AKAP6: variants seen among roughly 807,000 people sequenced by gnomAD.
AKAP6 encodes the protein A-kinase anchoring protein 6, also known as A-kinase anchor protein 6.
In AKAP6, 58 loss-of-function variants were observed where a neutral mutation model predicts 188.5. That is an observed-to-expected ratio of 0.31 (90% confidence interval 0.25 to 0.38). AKAP6 has a LOEUF of 0.38. Among genes scored for constraint, AKAP6 ranks in the 10% least tolerant of loss-of-function variants. The pLI is 1.00. For missense variants in AKAP6, 2,710 were observed against 2,740.0 expected (o/e 0.99, Z 0.24); for synonymous variants, 989 against 998.6 (o/e 0.99, Z 0.18).
rs79100973 is a variant in AKAP6, at chr14:32,594,218, A to G, written c.2470-5192A>G. Among the ~76,000 whole-genome samples the G allele has an allele frequency of 3.8e-3, 583 of 152,294 alleles. 1 individual carries two copies. Among genetic ancestry groups the G allele is most frequent in the Non-Finnish European group, 5.2e-3 (353 of 68,016 alleles). ...ATTTCAGAAAACTAAAGCACCCAGA[A>G]CTTGTTCCATAAGATCAGACCATGG... On this transcript the variant is annotated intron_variant, in intron 5 of 13. Coordinates refer to ENST00000280979, the MANE Select transcript of AKAP6 (RefSeq NM_004274.5).
intron 12 of AKAP6, among the ~76,000 whole-genome samples, chr14:32,801,391 G>A (rs576063966): frequency 3.1e-4 from 47 of 152,028 alleles, no homozygotes; most frequent in African/African-American, 1.0e-3. Context: ...ATACTGCTTC[G>A]CATGTATAGT....
chr14:32,735,954 G>A (rs2031401144), intron 11 of AKAP6, 72 bp downstream of exon 11: 1 of 1,165,104 alleles, frequency 8.6e-7, no homozygotes, highest in Admixed American at 2.3e-5. Context: ...TCAAGTACAT[G>A]AAGTATTATA....
At chr14:32,571,411 T>A (rs2139244358) in intron 4 of AKAP6, among the ~76,000 whole-genome samples, 1 of 152,134 alleles carries the variant, frequency 6.6e-6, no homozygotes, top group African/African-American at 2.4e-5. Flanking sequence ...GCACCTGTAG[T>A]CCCAGCTACT....
rs2031230371 is a variant in AKAP6, at chr14:32,732,594, G to T, written c.3141G>T (p.Leu1047=). 1 of 1,613,310 alleles carries T rather than the reference G, an allele frequency of 6.2e-7. No homozygotes were observed. The highest frequency in any genetic ancestry group is 1.3e-5 in the African/African-American group (1 of 74,876). The change falls in exon 10 of 14, where the codon CTG becomes CTT. Residue 1047 remains leucine (L), a synonymous_variant. Coordinates refer to ENST00000280979, the MANE Select transcript of AKAP6 (RefSeq NM_004274.5). ...ATTCAATTAATGAAAAATGGGAACT[G>T]CTTGGGGTATTTGCATTTTTATTAC... The part of the protein sequence containing the change: ...KVDSINEKWE[L]LGKTLGEKIQ...
intron 1 of AKAP6, among the ~76,000 whole-genome samples, chr14:32,347,787 A>G (rs1594525205): frequency 6.6e-6 from 1 of 152,206 alleles, no homozygotes; most frequent in Admixed American, 6.5e-5. Context: ...AAAAGCCTAA[A>G]GTTTAATTAA....
At chr14:32,352,417 G>A (rs12896756) in intron 1 of AKAP6, among the ~76,000 whole-genome samples, 47,855 of 151,868 alleles carry the variant, frequency 0.32, 8,250 homozygotes, top group African/African-American at 0.46. Flanking sequence ...TGTGGTGAGT[G>A]CATTCAAAAT....
At position 32,821,811 on chromosome 14, in the gene AKAP6, C is replaced by T. The variant is rs777204964; in HGVS notation, c.3998C>T (p.Thr1333Ile). Residue 1333 changes from threonine (T) to isoleucine (I), a missense_variant, in exon 13 of 14, where the codon ACC becomes ATC. Transcript: ENST00000280979. ...AGTAAAGACTCTTCATTTTCATCTA[C>T]CAAATCTTTGCCAGATCTTCTAGGT... The part of the protein sequence containing the change: ...SLSKDSSFSS[T>I]KSLPDLLGGS... 1 of 1,613,764 alleles carries T rather than the reference C, an allele frequency of 6.2e-7. No homozygotes were observed. Among genetic ancestry groups the T allele is most frequent in the Admixed American group, 1.7e-5 (1 of 59,892 alleles).
intron 1 of AKAP6, among the ~76,000 whole-genome samples, chr14:32,430,900 A>G (rs1008396209): frequency 6.6e-6 from 1 of 151,972 alleles, no homozygotes; most frequent in Non-Finnish European, 1.5e-5. Context: ...AGGTCAGGAG[A>G]TGGAGACCAT....
chr14:32,489,406 C>T (rs760225989), intron 2 of AKAP6, among the ~76,000 whole-genome samples: 25 of 152,080 alleles, frequency 1.6e-4, no homozygotes, highest in Non-Finnish European at 3.1e-4. Context: ...GATGATGTCT[C>T]TCTATGTTGC....
At chr14:32,489,743 C>G (rs1879900516) in intron 2 of AKAP6, among the ~76,000 whole-genome samples, 1 of 152,202 alleles carries the variant, frequency 6.6e-6, no homozygotes, top group South Asian at 2.1e-4. Flanking sequence ...GCTTTACAGT[C>G]TTAATGCCCA....
intron 6 of AKAP6, among the ~76,000 whole-genome samples, chr14:32,599,725 T>C (rs1417985777): frequency 2.0e-5 from 3 of 152,210 alleles, no homozygotes; most frequent in Non-Finnish European, 4.4e-5. Context: ...TTCATTTTAT[T>C]TTGGGCTGCC....
Position 32,678,418 on chromosome 14 carries a change from G to A in AKAP6, c.2838G>A (p.Glu946=). ...QYTSSSKRKE[E]FADMSKVHSV... ...CCAGCAGCAGCAAGCGAAAGGAAGA[G>A]TTTGCTGATATGTCAAAAGTTCATT... Residue 946 remains glutamate, a synonymous_variant, in exon 8 of 14, where the codon GAG becomes GAA. Transcript: ENST00000280979. 1 of 1,613,962 alleles carries A rather than the reference G, an allele frequency of 6.2e-7. No individual in the cohort carries two copies. Among genetic ancestry groups the A allele is most frequent in the Non-Finnish European group, 8.5e-7 (1 of 1,179,868 alleles).
At chr14:32,808,525 A>G (rs1036376423) in intron 12 of AKAP6, among the ~76,000 whole-genome samples, 6 of 152,218 alleles carry the variant, frequency 3.9e-5, no homozygotes, top group African/African-American at 1.4e-4. Flanking sequence ...AAATTGATGC[A>G]CATTAAAATT....
chr14:32,794,828 C>A (rs1218199256), intron 12 of AKAP6, among the ~76,000 whole-genome samples: 1 of 151,862 alleles, frequency 6.6e-6, no homozygotes, highest in African/African-American at 2.4e-5. Flanking sequence ...ACATGAAAAC[C>A]TCTTCAAAAA....
chr14:32,702,396 TA>T (rs1045598564), intron 9 of AKAP6, among the ~76,000 whole-genome samples: 2 of 152,056 alleles, frequency 1.3e-5, no homozygotes, highest in Non-Finnish European at 2.9e-5. Flanking sequence ...TACTTGAATA[TA>T]TTTTTTTTCC....
intron 7 of AKAP6, among the ~76,000 whole-genome samples, chr14:32,666,007 C>A (rs1888919128): frequency 6.6e-6 from 1 of 152,034 alleles, no homozygotes; most frequent in Non-Finnish European, 1.5e-5. Context: ...ACATTTAAGG[C>A]CCTTAACTTA....
At chr14:32,585,385 G>A (rs969873953) in intron 5 of AKAP6, among the ~76,000 whole-genome samples, 7 of 152,128 alleles carry the variant, frequency 4.6e-5, no homozygotes, top group African/African-American at 1.7e-4. Context: ...TGTTATTCTG[G>A]ACACACGTTA....
chr14:32,345,772 G>A (rs1050888944), intron 1 of AKAP6, among the ~76,000 whole-genome samples: 8 of 152,150 alleles, frequency 5.3e-5, no homozygotes, highest in Non-Finnish European at 7.3e-5. Flanking sequence ...TGGGCTGAAT[G>A]TAAGAGCTCT....
intron 7 of AKAP6, among the ~76,000 whole-genome samples, chr14:32,609,894 C>CTG (rs2139380125): frequency 6.7e-6 from 1 of 148,908 alleles, no homozygotes; most frequent in Non-Finnish European, 1.5e-5. Flanking sequence ...CACACACACA[C>CTG]ACACACACAC....
Sources: allele counts gnomAD v4.1 joint callset (sites outside exome capture counted in the v4.1 genomes callset), GRCh38; gene constraint gnomAD v4.1.1; transcripts MANE v1.5; gene names NCBI Gene and HGNC (gene_info 2026-07-23, HGNC 2026-07-21).